KDM5C: variants seen among roughly 807,000 people sequenced by gnomAD.
KDM5C encodes lysine demethylase 5C.
KDM5C carries 16 observed loss-of-function variants against 110.6 expected under a neutral mutation model. The ratio of observed to expected loss-of-function variants is 0.14; its 90% CI spans 0.10 to 0.22. The LOEUF (loss-of-function observed/expected upper bound fraction) is 0.22. Among genes scored for constraint, KDM5C ranks in the 10% least tolerant of loss-of-function variants. KDM5C has a pLI of 1.00. For synonymous variants in KDM5C, 511 were observed against 520.4 expected, an observed-to-expected ratio of 0.98 and a Z score of 0.24; for missense variants, 681 against 1,300.9, an observed-to-expected ratio of 0.52 and a Z score of 7.33.
chrX:53,214,275 G>GA (rs1171033059), intron 8 of KDM5C: 2,206 of 109,063 alleles, frequency 0.02, 9 homozygotes, highest in African/African-American at 0.028. Context: ...TTCTAAAAAA[G>GA]AAAAAAAAAA....
At chrX:53,222,473 C>G (rs1382062689) in intron 1 of KDM5C, among the ~76,000 whole-genome samples, 1 of 110,495 alleles carries the variant, frequency 9.1e-6, no homozygotes, top group Non-Finnish European at 1.9e-5. Context: ...ACAGGTAACC[C>G]AGCTAAAAAG....
At chrX:53,211,467 C>G (rs1057046814) in intron 10 of KDM5C, 30 bp downstream of exon 10, 1 of 1,202,353 alleles carries the variant, frequency 8.3e-7, no homozygotes, top group Non-Finnish European at 1.1e-6. Context: ...GCTCACACAG[C>G]TGACACGTAA....
intron 12 of KDM5C, among the ~76,000 whole-genome samples, chrX:53,208,063 G>T (rs1370788578): frequency 2.3e-5 from 1 of 44,012 alleles, no homozygotes; most frequent in Non-Finnish European, 6.0e-5. Flanking sequence ...GGAAGGTGGG[G>T]TGATGGGGGC....
rs1556839676 is a variant in KDM5C, at chrX:53,198,641, G to A, written c.2369-4C>T. The A allele has an allele frequency of 5.8e-6, 7 of 1,211,891 alleles. No homozygotes were observed. The highest frequency in any genetic ancestry group is 7.8e-6 in the Non-Finnish European group (7 of 895,516). On this transcript the variant is annotated splice_region_variant and splice_polypyrimidine_tract_variant and intron_variant, in intron 16 of 25. Coordinates refer to ENST00000375401, the MANE Select transcript of KDM5C (RefSeq NM_004187.5). ...AGTGCCCTCAGTTCTTCAAGGCCTG[G>A]AAGAAAAATGAGGGCAGCAAAGAGT... is the stretch of plus-strand genomic sequence containing the variant.
At chrX:53,202,669 C>T (rs2073180230) in intron 12 of KDM5C, 1 of 112,399 alleles carries the variant, frequency 8.9e-6, no homozygotes, top group East Asian at 2.8e-4. Flanking sequence ...CCACGTCTTC[C>T]TCTTTCTTGG....
At position 53,208,440 on chromosome X, in the gene KDM5C, T is replaced by C. The variant is rs200053995; in HGVS notation, c.1746+1974A>G. Among the ~76,000 whole-genome samples the C allele has an allele frequency of 5.8e-4, 36 of 61,613 alleles. 1 individual carries two copies. Among genetic ancestry groups the C allele is most frequent in the South Asian group, 4.9e-3 (6 of 1,229 alleles). The allele number at this position is 61,613 out of a possible 115,157, so 53.5% of individuals were successfully genotyped here. A position where few individuals can be genotyped will look rare whatever the true frequency, so the allele number is the denominator to read the frequency against. On this transcript the variant is annotated intron_variant, in intron 12 of 25. Transcript: ENST00000375401. ...ACATATATATATATATATATATATATATACACACACACATATATATATATA... is the reference window on the plus strand; with the variant it reads ...ACATATATATATATATATATATATACATACACACACACATATATATATATA...
chrX:53,194,886 T>G (rs375683937), intron 22 of KDM5C, 45 bp downstream of exon 22: 1 of 1,205,943 alleles, frequency 8.3e-7, no homozygotes, highest in Non-Finnish European at 1.1e-6. Flanking sequence ...TCAGACACTC[T>G]ATCATCACCA....
At position 53,199,169 on chromosome X, in the gene KDM5C, T is replaced by A; in HGVS notation, c.2062-11A>T. 1 of 1,209,174 alleles carries A rather than the reference T, an allele frequency of 8.3e-7. No homozygotes were observed. The highest frequency in any genetic ancestry group is 1.1e-6 in the Non-Finnish European group (1 of 893,291). Reference sequence around the variant, plus strand: ...AGCCTCTGTGATACCCTAAGGGCATTTAACCTATGCGTTATATATAACCAG... The same window carrying A: ...AGCCTCTGTGATACCCTAAGGGCATATAACCTATGCGTTATATATAACCAG... On this transcript the variant is annotated splice_polypyrimidine_tract_variant and intron_variant, in intron 14 of 25. Transcript: ENST00000375401.
chrX:53,214,570 C>A, intron 8 of KDM5C, 119 bp downstream of exon 8: 1 of 816,828 alleles, frequency 1.2e-6, no homozygotes. Context: ...CCAGCCTAAT[C>A]CCACCACAGA....
chrX:53,199,369 C>T (rs915542877), intron 14 of KDM5C, among the ~76,000 whole-genome samples: 9 of 111,291 alleles, frequency 8.1e-5, no homozygotes, highest in African/African-American at 1.3e-4. Flanking sequence ...GATCAGTGTG[C>T]GCTGAGTCAG....
intron 12 of KDM5C, 142 bp downstream of exon 12, chrX:53,210,272 A>G: frequency 1.3e-6 from 1 of 743,975 alleles, no homozygotes; most frequent in South Asian, 2.3e-5. Context: ...CTACTAGACT[A>G]GTCAAACCCG....
chrX:53,209,500 C>T (rs1207778039), intron 12 of KDM5C, among the ~76,000 whole-genome samples: 1 of 112,091 alleles, frequency 8.9e-6, no homozygotes, highest in African/African-American at 3.2e-5. Context: ...CCCTACTGTA[C>T]AGATATCTAG....
chrX:53,223,918 G>C (rs2073961659), intron 1 of KDM5C, among the ~76,000 whole-genome samples: 1 of 112,204 alleles, frequency 8.9e-6, no homozygotes, highest in Non-Finnish European at 1.9e-5. Context: ...TCTGCGGGAT[G>C]ATGTGCAGAA....
At chrX:53,180,391 A>G (rs1378805953) in intron 25 of KDM5C, among the ~76,000 whole-genome samples, 1 of 111,520 alleles carries the variant, frequency 9.0e-6, no homozygotes, top group African/African-American at 3.3e-5. Context: ...CATAGAGTGT[A>G]CAACACCAAG....
chrX:53,205,645 C>T (rs1203926036), intron 12 of KDM5C, among the ~76,000 whole-genome samples: 1 of 112,052 alleles, frequency 8.9e-6, no homozygotes, highest in African/African-American at 3.2e-5. Flanking sequence ...TTCCTGATAA[C>T]CCCCGCTTCC....
At chrX:53,200,022 T>C (rs1275668434) in intron 14 of KDM5C, among the ~76,000 whole-genome samples, 1 of 111,687 alleles carries the variant, frequency 9.0e-6, no homozygotes, top group Non-Finnish European at 1.9e-5. Flanking sequence ...AGATAAACAG[T>C]ATCATCCTTG....
chrX:53,183,866 C>G (rs1556827221), intron 25 of KDM5C, among the ~76,000 whole-genome samples: 1 of 112,098 alleles, frequency 8.9e-6, no homozygotes, highest in South Asian at 3.7e-4. Flanking sequence ...AGCAACCGCA[C>G]CCCGCTAGCT....
chrX:53,224,664 G>T, intron 1 of KDM5C, 76 bp downstream of exon 1: 1 of 1,151,093 alleles, frequency 8.7e-7, no homozygotes, highest in Non-Finnish European at 1.2e-6. Flanking sequence ...GCTGCCCTCC[G>T]CCCCAGACTT....
chrX:53,197,430 T>C (rs781854438), intron 18 of KDM5C, among the ~76,000 whole-genome samples: 1 of 111,126 alleles, frequency 9.0e-6, no homozygotes, highest in Admixed American at 9.6e-5. Flanking sequence ...CCCTGGGGTC[T>C]GTTGCCCTCT....
Sources: gnomAD v4.1 joint callset for allele counts (sites outside exome capture counted in the v4.1 genomes callset) on GRCh38, gnomAD v4.1.1 for gene constraint, MANE v1.5 for transcripts, NCBI Gene and HGNC (gene_info 2026-07-23, HGNC 2026-07-21) for gene names.